FAM13A: variants seen among roughly 807,000 people sequenced by gnomAD.
The protein encoded by FAM13A is protein FAM13A.
FAM13A carries 76 observed loss-of-function variants against 129.6 expected under a neutral mutation model. The ratio of observed to expected loss-of-function variants is 0.59; its 90% CI spans 0.49 to 0.71. The LOEUF is 0.71. Among genes scored for constraint, FAM13A ranks in the 30% least tolerant of loss-of-function variants. FAM13A has a pLI of 0.00. For synonymous variants in FAM13A, 443 were observed against 449.9 expected (o/e 0.98, Z 0.20); for missense variants, 1,108 against 1,249.3 (o/e 0.89, Z 1.70).
At chr4:88,894,211 T>C (rs145556603) in intron 6 of FAM13A, among the ~76,000 whole-genome samples, 1 of 152,228 alleles carries the variant, frequency 6.6e-6, no homozygotes, top group South Asian at 2.1e-4. Context: ...AATATTTCCA[T>C]GTGCATAGAA....
chr4:89,000,148 T>C (rs1376431497), intron 3 of FAM13A, among the ~76,000 whole-genome samples: 1 of 152,150 alleles, frequency 6.6e-6, no homozygotes, highest in Non-Finnish European at 1.5e-5. Context: ...TGTTAGAAAA[T>C]AGTTACTCAA....
intron 7 of FAM13A, among the ~76,000 whole-genome samples, chr4:88,832,076 A>T (rs1166864602): frequency 6.6e-6 from 1 of 152,180 alleles, no homozygotes; most frequent in Non-Finnish European, 1.5e-5. Flanking sequence ...ACTCAGAAAT[A>T]ACATTGCACA....
At chr4:88,856,951 T>C (rs1014450862) in intron 6 of FAM13A, among the ~76,000 whole-genome samples, 1 of 152,198 alleles carries the variant, frequency 6.6e-6, no homozygotes, top group Non-Finnish European at 1.5e-5. Context: ...AAAAAAGCCT[T>C]TGTTTTTGCT....
chr4:88,878,253 A>G (rs1742929218), intron 6 of FAM13A, among the ~76,000 whole-genome samples: 1 of 131,312 alleles, frequency 7.6e-6, no homozygotes, highest in South Asian at 2.6e-4. Flanking sequence ...GCGCCACTGC[A>G]CTCCAGCCTG....
At chr4:88,945,636 G>T (rs889661260) in intron 4 of FAM13A, among the ~76,000 whole-genome samples, 15 of 151,582 alleles carry the variant, frequency 9.9e-5, no homozygotes, top group African/African-American at 2.2e-4. Context: ...GGAAGCTTTA[G>T]CAACATCCCT....
At chr4:89,012,314 T>C (rs1390306303) in intron 3 of FAM13A, among the ~76,000 whole-genome samples, 1 of 152,104 alleles carries the variant, frequency 6.6e-6, no homozygotes, top group Non-Finnish European at 1.5e-5. Context: ...CTATAAACCT[T>C]GATTAAGGAA....
rs748359167 is a variant in FAM13A, at chr4:88,728,554, GTC to G, written c.3049_3050del (p.Asp1017HisfsTer2). 6.2e-7 allele frequency: 1 copy of G among 1,614,150 alleles called. No individual in the cohort carries two copies. The highest frequency in any genetic ancestry group is 8.5e-7 in the Non-Finnish European group (1 of 1,180,010). ...RLLEVLISKRDTDSKSM is the reference protein window; with the variant it reads ...RLLEVLISKRXTDSKSM ...CCCCTCACATGGACTTGGAATCAGT[GTC>G]TCTCTTGCTGATGAGCACCTCCAGG... On this transcript the variant is annotated frameshift_variant, in exon 24 of 24. Transcript: ENST00000264344. LOFTEE classifies it high-confidence loss of function.
intron 11 of FAM13A, among the ~76,000 whole-genome samples, chr4:88,779,793 C>T (rs1722508384): frequency 6.6e-6 from 1 of 152,150 alleles, no homozygotes; most frequent in African/African-American, 2.4e-5. Context: ...CTATTACCAT[C>T]TAACTAACTG....
intron 1 of FAM13A, 143 bp from the exon 2 acceptor site, chr4:89,029,792 C>T (rs1768450809): frequency 1.4e-6 from 1 of 710,976 alleles, no homozygotes; most frequent in East Asian, 2.7e-5. Flanking sequence ...ATCAAAATCT[C>T]TAACATCTCT....
chr4:88,898,516 A>G (rs1258835954), intron 6 of FAM13A, among the ~76,000 whole-genome samples: 1 of 152,148 alleles, frequency 6.6e-6, no homozygotes, highest in Non-Finnish European at 1.5e-5. Context: ...AAGATTTTTT[A>G]TTTCTTTAAA....
At chr4:89,040,775 T>C (rs1708683) in intron 1 of FAM13A, among the ~76,000 whole-genome samples, 15,960 of 152,240 alleles carry the variant, frequency 0.1, 913 homozygotes, top group African/African-American at 0.14. Context: ...TGCAAAGTAT[T>C]GTTCCTGAGT....
At chr4:88,885,920 A>G (rs183679738) in intron 6 of FAM13A, among the ~76,000 whole-genome samples, 1 of 152,286 alleles carries the variant, frequency 6.6e-6, no homozygotes, top group Non-Finnish European at 1.5e-5. Context: ...AAAATGCTCA[A>G]CATCACTAAT....
At chr4:89,023,270 G>C (rs1303705628) in intron 2 of FAM13A, among the ~76,000 whole-genome samples, 1 of 152,124 alleles carries the variant, frequency 6.6e-6, no homozygotes, top group African/African-American at 2.4e-5. Context: ...CAATCAAGCA[G>C]CTAGCATCCA....
At position 88,945,725 on chromosome 4, in the gene FAM13A, C is replaced by A. The variant is rs185693073; in HGVS notation, c.606-7484G>T. Among the ~76,000 whole-genome samples, 394 of 142,442 alleles carry A rather than the reference C, an allele frequency of 2.8e-3. 5 individuals carry two copies. The highest frequency in any genetic ancestry group is 0.01 in the African/African-American group (372 of 37,138). 93.4% of individuals were successfully genotyped at this position (142,442 alleles called of 152,430 possible). A position where few individuals can be genotyped will look rare whatever the true frequency, so the allele number is the denominator to read the frequency against. ...CTTCTTCAAACATTATAAAAAGTCA[C>A]ATTTTCTTACTATAAGATTGCAACC... is the stretch of plus-strand genomic sequence containing the variant. On this transcript the variant is annotated intron_variant, in intron 4 of 23. Transcript: ENST00000264344.
At chr4:88,841,672 C>T (rs1735854880) in intron 7 of FAM13A, among the ~76,000 whole-genome samples, 1 of 152,034 alleles carries the variant, frequency 6.6e-6, no homozygotes, top group African/African-American at 2.4e-5. Context: ...AGATGTTCAA[C>T]ATCATTATTC....
intron 8 of FAM13A, among the ~76,000 whole-genome samples, chr4:88,803,289 T>C (rs980061647): frequency 1.3e-5 from 2 of 152,192 alleles, no homozygotes; most frequent in African/African-American, 4.8e-5. Context: ...ACCATAAACG[T>C]GGGCCAGTAT....
rs1187496684 is a variant in FAM13A at position 88,728,352 on chromosome 4, C to T, written c.*181G>A. 1 of 695,420 alleles carries T rather than the reference C, an allele frequency of 1.4e-6. No homozygotes were observed. The highest frequency in any genetic ancestry group is 2.7e-5 in the East Asian group (1 of 36,868). The allele number at this position is 695,420 out of a possible 1,614,324, so 43.1% of individuals were successfully genotyped here. ...AAATGCCTAAGTCAGGTCACATTGT[C>T]TTCTTCCAGCCAGTTTCTAAGGCAG... On this transcript the variant is annotated 3_prime_UTR_variant, in exon 24 of 24. Transcript: ENST00000264344.
In FAM13A at chr4:88,906,542, G is replaced by C. The variant is rs375166018; in HGVS notation, c.760-80C>G. On this transcript the variant is annotated intron_variant, in intron 5 of 23. Transcript: ENST00000264344. The stretch of plus-strand genomic sequence containing the variant: ...AAAAATTACAAGGTAGTGAAAAACA[G>C]TTTTGAAGAGAGAGCATTTCTGGAT... 1.5e-5 allele frequency: 14 copies of C among 904,268 alleles called. No homozygotes were observed. The African/African-American group carries it at 2.0e-4, about 13-fold the overall frequency. The allele number at this position is 904,268 out of a possible 1,614,324, so 56.0% of individuals were successfully genotyped here. A position where few individuals can be genotyped will look rare whatever the true frequency, so the allele number is the denominator to read the frequency against.
At chr4:88,958,905 C>A (rs1303314781) in intron 4 of FAM13A, among the ~76,000 whole-genome samples, 1 of 152,214 alleles carries the variant, frequency 6.6e-6, no homozygotes, top group East Asian at 1.9e-4. Context: ...TGCCCAAGGC[C>A]TTAGGATCCC....
Sources: allele counts gnomAD v4.1 joint callset (sites outside exome capture counted in the v4.1 genomes callset), GRCh38; gene constraint gnomAD v4.1.1; transcripts MANE v1.5; gene names NCBI Gene and HGNC (gene_info 2026-07-23, HGNC 2026-07-21).